Variants in CYP4F3 observed in about 807,000 individuals in gnomAD.
The protein encoded by CYP4F3 is cytochrome P450 4F3.
CYP4F3 carries 50 observed loss-of-function variants against 54.8 expected under a neutral mutation model. That is an observed-to-expected ratio of 0.91 (90% CI 0.73 to 1.16). The LOEUF (loss-of-function observed/expected upper bound fraction) is 1.16. Ranked by LOEUF, CYP4F3 falls within the 50% of genes most tolerant of loss-of-function variation. CYP4F3 has a pLI of 0.00. For missense variants in CYP4F3, 715 were observed against 676.2 expected, an observed-to-expected ratio of 1.06 and a Z score of -0.64; for synonymous variants, 244 against 262.6, an observed-to-expected ratio of 0.93 and a Z score of 0.69.
At chr19:15,641,634 G>T (rs1461119050) in intron 2 of CYP4F3, 21 bp downstream of exon 2, 2 of 1,613,066 alleles carry the variant, frequency 1.2e-6, no homozygotes, top group African/African-American at 1.3e-5. Flanking sequence ...CAGCAGGACG[G>T]GTCTGGGGTC....
At chr19:15,647,544 T>C (rs1456036739) in intron 5 of CYP4F3, among the ~76,000 whole-genome samples, 3 of 152,204 alleles carry the variant, frequency 2.0e-5, no homozygotes, top group African/African-American at 7.2e-5. Flanking sequence ...AAGGTGTCTG[T>C]TTCTATGTTC....
chr19:15,650,666 TTCTTTCTTTC>T lies in CYP4F3; in HGVS notation c.918+485_918+494del, dbSNP rs1447587391. Among the ~76,000 whole-genome samples the T allele has an allele frequency of 9.2e-4, 30 of 32,448 alleles. 10 individuals are homozygous for T. The highest frequency in any genetic ancestry group is 2.4e-3 in the African/African-American group (17 of 7,204). The allele number at this position is 32,448 out of a possible 152,430, so 21.3% of individuals were successfully genotyped here. On this transcript the variant is annotated intron_variant, in intron 7 of 12. Transcript: ENST00000221307. ...CCCTCCCTCCCTGCCTTCTTTTTCTTTCTTTCTTTCTTTCTTTCTTTCTTTCTTTCTTTCT... is the reference window on the plus strand; with the variant it reads ...CCCTCCCTCCCTGCCTTCTTTTTCTTTTTCTTTCTTTCTTTCTTTCTTTCT...
chr19:15,645,724 C>T lies in CYP4F3; in HGVS notation c.204C>T (p.His68=), dbSNP rs1000241751. Residue 68 remains histidine (H), a synonymous_variant, in exon 3 of 13, where the codon CAC becomes CAT. Coordinates refer to ENST00000221307, the MANE Select transcript of CYP4F3 (RefSeq NM_000896.3). ...NWFLGHLGLI[H]SSEEGLLYTQ... ...TCCTGTGTCTTTCTCTCCAGATTCA[C>T]AGCTCGGAGGAAGGTCTCCTATACA... 1 of 1,606,544 alleles carries T rather than the reference C, an allele frequency of 6.2e-7. No homozygotes were observed. Among genetic ancestry groups the T allele is most frequent in the South Asian group, 1.1e-5 (1 of 90,408 alleles).
rs1973142545 is a variant in CYP4F3, at chr19:15,659,782, T to C, written c.*397T>C. 4.2e-5 allele frequency: 7 copies of C among 167,868 alleles called. No individual in the cohort carries two copies. The highest frequency in any genetic ancestry group is 2.6e-3 in the Middle Eastern group (1 of 382). 10.4% of individuals were successfully genotyped at this position (167,868 alleles called of 1,614,324 possible). On this transcript the variant is annotated 3_prime_UTR_variant, in exon 13 of 13. Transcript: ENST00000221307. ...TCACATAGTGTACTGTCCTTTTATA[T>C]GAAATTTCCAGAACAGGCCAATCTG...
Position 15,645,743 on chromosome 19 carries a change from CTA to C in CYP4F3, c.226_227del (p.Tyr76HisfsTer10). ...GLIHSSEEGL[L>X]YTQSLACTFG... ...GATTCACAGCTCGGAGGAAGGTCTC[CTA>C]TACACACAAAGCCTGGCATGCACCT... On this transcript the variant is annotated frameshift_variant, in exon 3 of 13. Transcript: ENST00000221307. LOFTEE classifies it high-confidence loss of function. 1 of 1,613,684 alleles carries C rather than the reference CTA, an allele frequency of 6.2e-7. No homozygotes were observed. The highest frequency in any genetic ancestry group is 2.2e-5 in the East Asian group (1 of 44,876).
chr19:15,650,708 CTTTCTTTCTTTCT>C (rs1312378518), intron 7 of CYP4F3, among the ~76,000 whole-genome samples: 2 of 81,146 alleles, frequency 2.5e-5, no homozygotes, highest in African/African-American at 1.3e-4. Flanking sequence ...TTCTTTCTTT[CTTTCTTTCTTTCT>C]TTCTTTCTTT....
intron 9 of CYP4F3, among the ~76,000 whole-genome samples, chr19:15,656,492 T>G (rs937073730): frequency 4.2e-5 from 3 of 71,672 alleles, no homozygotes; most frequent in African/African-American, 2.7e-4. Context: ...TATCTATCTA[T>G]CTATCTATCT....
chr19:15,657,103 T>C (rs972743452), intron 9 of CYP4F3, among the ~76,000 whole-genome samples: 7 of 152,168 alleles, frequency 4.6e-5, no homozygotes, highest in Non-Finnish European at 1.0e-4. Context: ...TGTGTAACTG[T>C]ATAGTATTCC....
intron 9 of CYP4F3, among the ~76,000 whole-genome samples, chr19:15,655,916 T>C (rs1210574822): frequency 6.6e-6 from 1 of 152,228 alleles, no homozygotes; most frequent in Non-Finnish European, 1.5e-5. Flanking sequence ...TTTATCATTT[T>C]TGTGTTGAGA....
Position 15,653,027 on chromosome 19 carries a change from G to A in CYP4F3, c.1115+75G>A, listed in dbSNP as rs1972907002. ...GTTCCCCAGGTAGGGAGGGGAGAAGGGGTTGTTTTTGTTGATTCTGCCACT... is the reference window on the plus strand; with the variant it reads ...GTTCCCCAGGTAGGGAGGGGAGAAGAGGTTGTTTTTGTTGATTCTGCCACT... On this transcript the variant is annotated intron_variant, in intron 9 of 12. Coordinates refer to ENST00000221307, the MANE Select transcript of CYP4F3 (RefSeq NM_000896.3). 5.3e-6 allele frequency: 8 copies of A among 1,517,204 alleles called. No homozygotes were observed. In the African/African-American group the frequency reaches 5.6e-5, roughly 11 times the overall value. 94.0% of individuals were successfully genotyped at this position (1,517,204 alleles called of 1,614,324 possible).
intron 9 of CYP4F3, among the ~76,000 whole-genome samples, chr19:15,653,316 CT>C (rs1972915416): frequency 6.6e-6 from 1 of 152,176 alleles, no homozygotes; most frequent in Non-Finnish European, 1.5e-5. Flanking sequence ...AATTCCTACC[CT>C]TCCATCCAGT....
intron 5 of CYP4F3, among the ~76,000 whole-genome samples, chr19:15,648,516 A>G (rs1331265189): frequency 6.6e-6 from 1 of 152,154 alleles, no homozygotes; most frequent in Non-Finnish European, 1.5e-5. Flanking sequence ...TGACATGCCC[A>G]GAAAGGGTGC....
rs1416691523 is a variant in CYP4F3 at position 15,662,248 on chromosome 19, G to GT, written c.*2864dup. ...ATTGTGCCACTGCACTCCAGCCTGG[G>GT]TGAAAGAGCTAGATTCTCTCTCTCA... is the stretch of plus-strand genomic sequence containing the variant. On this transcript the variant is annotated 3_prime_UTR_variant, in exon 13 of 13. Coordinates refer to ENST00000221307, the MANE Select transcript of CYP4F3 (RefSeq NM_000896.3). 8.7e-6 allele frequency: 1 copy of GT among 114,962 alleles called. No homozygotes were observed. Among genetic ancestry groups the GT allele is most frequent in the Non-Finnish European group, 1.6e-5 (1 of 61,206 alleles). The allele number at this position is 114,962 out of a possible 1,614,324, so 7.1% of individuals were successfully genotyped here. A position where few individuals can be genotyped will look rare whatever the true frequency, so the allele number is the denominator to read the frequency against.
Position 15,659,318 on chromosome 19 carries a change from G to C in CYP4F3, c.1496G>C (p.Arg499Pro), listed in dbSNP as rs750924234. The change falls in exon 13 of 13, where the codon CGC (arginine) becomes CCC (proline). Residue 499 changes from arginine to proline, a missense_variant. By Grantham distance (103) the Arg-to-Pro change is moderately radical. Coordinates refer to ENST00000221307, the MANE Select transcript of CYP4F3 (RefSeq NM_000896.3). ...FRVLPDHTEP[R>P]RKPELVLRAE... is the part of the protein sequence containing the mutation. ...GTCCTGCCTGACCACACCGAGCCCC[G>C]CAGGAAGCCGGAGCTGGTCCTGCGC... is the stretch of plus-strand genomic sequence containing the variant. 5 of 1,613,508 alleles carry C rather than the reference G, an allele frequency of 3.1e-6. No homozygotes were observed.
At chr19:15,655,788 G>A (rs1972995551) in intron 9 of CYP4F3, among the ~76,000 whole-genome samples, 1 of 152,010 alleles carries the variant, frequency 6.6e-6, no homozygotes, top group South Asian at 2.1e-4. Flanking sequence ...TTTGTTCTTT[G>A]TCTTTAATTG....
intron 9 of CYP4F3, among the ~76,000 whole-genome samples, chr19:15,656,521 CTAT>C (rs749010303): frequency 0.16 from 6,838 of 44,088 alleles, 225 homozygotes; most frequent in African/African-American, 0.35. Flanking sequence ...ATCTATCTAT[CTAT>C]TTCTATCATC....
At chr19:15,650,696 C>CTTTCTTTCTTT (rs1568397679) in intron 7 of CYP4F3, among the ~76,000 whole-genome samples, 1 of 73,664 alleles carries the variant, frequency 1.4e-5, no homozygotes, top group African/African-American at 8.8e-5. Flanking sequence ...TTCTTTCTTT[C>CTTTCTTTCTTT]TTTCTTTCTT....
At chr19:15,648,971 CA>C (rs373374475) in intron 5 of CYP4F3, among the ~76,000 whole-genome samples, 188 bp from the exon 6 acceptor site, 15 of 152,202 alleles carry the variant, frequency 9.9e-5, no homozygotes, top group African/African-American at 3.6e-4. Context: ...TCCTGACTCC[CA>C]ATCTTGGGTC....
rs1454965241 is a variant in CYP4F3 at position 15,661,319 on chromosome 19, CA to C, written c.*1938del. Reference sequence around the variant, plus strand: ...AAAACAAAAACAAAACAAAACAAAACAAAACACTGCCAAACTGTTTCCAAAG... The same window carrying C: ...AAAACAAAAACAAAACAAAACAAAACAAACACTGCCAAACTGTTTCCAAAG... On this transcript the variant is annotated 3_prime_UTR_variant, in exon 13 of 13. Transcript: ENST00000221307. 2.0e-5 allele frequency: 3 copies of C among 152,090 alleles called. No homozygotes were observed. Among genetic ancestry groups the C allele is most frequent in the African/African-American group, 7.3e-5 (3 of 41,376 alleles). The allele number at this position is 152,090 out of a possible 1,614,324, so 9.4% of individuals were successfully genotyped here.
Sources: allele counts gnomAD v4.1 joint callset (sites outside exome capture counted in the v4.1 genomes callset), GRCh38; gene constraint gnomAD v4.1.1; transcripts MANE v1.5; gene names NCBI Gene and HGNC (gene_info 2026-07-23, HGNC 2026-07-21).